POPDC1: variants seen among roughly 807,000 people sequenced by gnomAD.
POPDC1 encodes the protein popeye domain cAMP effector 1.
chr6:105,103,399 T>C, the POPDC1 span, among the ~76,000 whole-genome samples: 1 of 152,072 alleles, frequency 6.6e-6, no homozygotes, highest in Admixed American at 6.5e-5. Flanking sequence ...ATAAAGGAAA[T>C]GGGCCTTGTG....
chr6:105,114,084 A>G, the POPDC1 span, among the ~76,000 whole-genome samples: 1 of 152,188 alleles, frequency 6.6e-6, no homozygotes, highest in Non-Finnish European at 1.5e-5. Context: ...ATGTCGAGGC[A>G]GAGAGAATTC....
At chr6:105,131,042 T>A in the POPDC1 span, among the ~76,000 whole-genome samples, 1 of 152,122 alleles carries the variant, frequency 6.6e-6, no homozygotes, top group African/African-American at 2.4e-5. Flanking sequence ...ATATAAAATA[T>A]CCCCAGTTTC....
At chr6:105,124,679 T>C in the POPDC1 span, 6 of 1,458,378 alleles carry the variant, frequency 4.1e-6, no homozygotes, top group Admixed American at 1.0e-4. Context: ...TTAATGTTAA[T>C]AAAAGCAATA....
the POPDC1 span, among the ~76,000 whole-genome samples, chr6:105,126,734 A>C: frequency 6.6e-6 from 1 of 152,250 alleles, no homozygotes; most frequent in Non-Finnish European, 1.5e-5. Flanking sequence ...ACATACATTA[A>C]GCATTTTATC....
At chr6:105,127,099 C>T in the POPDC1 span, among the ~76,000 whole-genome samples, 3 of 152,318 alleles carry the variant, frequency 2.0e-5, no homozygotes, top group East Asian at 1.9e-4. Flanking sequence ...AGGCACTATA[C>T]GAAGCCTATA....
the POPDC1 span, chr6:105,125,585 T>C: frequency 6.2e-7 from 1 of 1,613,486 alleles, no homozygotes; most frequent in African/African-American, 1.3e-5. Context: ...TTACCTGAAA[T>C]GCAGCAATGA....
At chr6:105,103,737 C>T in the POPDC1 span, among the ~76,000 whole-genome samples, 1 of 152,296 alleles carries the variant, frequency 6.6e-6, no homozygotes, top group African/African-American at 2.4e-5. Context: ...GCTCATCTAT[C>T]ATACCAGGAA....
At chr6:105,137,076 C>G in the POPDC1 span, 1 of 151,858 alleles carries the variant, frequency 6.6e-6, no homozygotes, top group Non-Finnish European at 1.5e-5. Flanking sequence ...GACGGGAGCC[C>G]GACGCGCGCT....
chr6:105,113,434 A>G, the POPDC1 span, among the ~76,000 whole-genome samples: 3 of 152,208 alleles, frequency 2.0e-5, no homozygotes, highest in African/African-American at 7.2e-5. Context: ...CAGTCCCTGC[A>G]GAAGGGTTAA....
At chr6:105,110,072 G>A in the POPDC1 span, among the ~76,000 whole-genome samples, 5 of 152,168 alleles carry the variant, frequency 3.3e-5, no homozygotes, top group African/African-American at 1.2e-4. Context: ...CTCCTGGGGC[G>A]AGGAGCAGGG....
At chr6:105,114,441 T>C in the POPDC1 span, among the ~76,000 whole-genome samples, 57 of 152,228 alleles carry the variant, frequency 3.7e-4, no homozygotes, top group African/African-American at 1.3e-3. Flanking sequence ...CTCCTGACTA[T>C]GCAATACTTA....
At chr6:105,107,904 G>A in the POPDC1 span, among the ~76,000 whole-genome samples, 1 of 151,956 alleles carries the variant, frequency 6.6e-6, no homozygotes, top group East Asian at 1.9e-4. Context: ...GAAGCTTTCT[G>A]AACAATAATA....
At chr6:105,117,137 A>G in the POPDC1 span, among the ~76,000 whole-genome samples, 4 of 152,304 alleles carry the variant, frequency 2.6e-5, no homozygotes, top group African/African-American at 9.6e-5. Context: ...AAGAATGGCC[A>G]CTGTATTGAT....
At chr6:105,116,748 T>A in the POPDC1 span, 1 of 1,610,464 alleles carries the variant, frequency 6.2e-7, no homozygotes, top group Non-Finnish European at 8.5e-7. Flanking sequence ...TTATTTGTGA[T>A]GTCTTTTCCA....
chr6:105,117,094 C>T, the POPDC1 span, among the ~76,000 whole-genome samples: 1 of 152,108 alleles, frequency 6.6e-6, no homozygotes, highest in African/African-American at 2.4e-5. Flanking sequence ...TCTGTGTTTC[C>T]TTGTTGTTTT....
chr6:105,132,300 G>A, the POPDC1 span, among the ~76,000 whole-genome samples: 19 of 152,080 alleles, frequency 1.2e-4, no homozygotes, highest in Admixed American at 1.0e-3. Flanking sequence ...ACTACTCTAC[G>A]TTCACCCCAA....
chr6:105,135,057 T>C, the POPDC1 span, among the ~76,000 whole-genome samples: 1 of 152,156 alleles, frequency 6.6e-6, no homozygotes, highest in Non-Finnish European at 1.5e-5. Context: ...TAACCCAACA[T>C]CACCTACCCT....
chr6:105,116,811 T>C, the POPDC1 span: 4 of 1,612,384 alleles, frequency 2.5e-6, no homozygotes, highest in East Asian at 4.5e-5. Context: ...AGAAAGTATG[T>C]TAATCTTTCT....
At chr6:105,107,077 A>G in the POPDC1 span, among the ~76,000 whole-genome samples, 3 of 152,012 alleles carry the variant, frequency 2.0e-5, no homozygotes, top group African/African-American at 7.2e-5. Flanking sequence ...TCCATTAACC[A>G]TCTCCACTTC....
Sources: allele counts gnomAD v4.1 joint callset (sites outside exome capture counted in the v4.1 genomes callset), GRCh38; gene constraint gnomAD v4.1.1; transcripts MANE v1.5; gene names NCBI Gene and HGNC (gene_info 2026-07-23, HGNC 2026-07-21).